CELF2: variants seen among roughly 807,000 people sequenced by gnomAD.
The protein encoded by CELF2 is CUG triplet repeat RNA-binding protein 2.
CELF2 carries 8 observed loss-of-function variants against 62.6 expected under a neutral mutation model. That is an observed-to-expected ratio of 0.13 (90% confidence interval 0.07 to 0.23). CELF2 has a LOEUF of 0.23. Among genes scored for constraint, CELF2 ranks in the 10% least tolerant of loss-of-function variants. The pLI is 1.00. For synonymous variants in CELF2, 258 were observed against 250.0 expected (o/e 1.03, Z -0.30); for missense variants, 333 against 671.0 (o/e 0.50, Z 5.56).
At chr10:10,952,459 C>T (rs1035078872) in intron 2 of CELF2, among the ~76,000 whole-genome samples, 19 of 152,228 alleles carry the variant, frequency 1.2e-4, no homozygotes, top group African/African-American at 3.6e-4. Flanking sequence ...AGACAGTGAG[C>T]GAGCAAGGAA....
the CELF2 span, among the ~76,000 whole-genome samples, chr10:10,645,896 G>C: frequency 6.6e-6 from 1 of 152,162 alleles, no homozygotes; most frequent in Admixed American, 6.5e-5. Flanking sequence ...CATGACATAG[G>C]GTAACTCGTT....
rs137977065 is a variant in CELF2, at chr10:10,981,137, C to A, written c.89+61138C>A. On this transcript the variant is annotated intron_variant, in intron 2 of 13. Transcript: ENST00000636488. The stretch of plus-strand genomic sequence containing the variant: ...TAGAGTAGGTGCCCAATAAATATAA[C>A]TGAATGAATGAAGGTTTCTCACTTA... Among the ~76,000 whole-genome samples, 118 of 152,322 alleles carry A rather than the reference C, an allele frequency of 7.7e-4. 1 individual carries two copies. The highest frequency in any genetic ancestry group is 2.7e-3 in the African/African-American group (112 of 41,560).
intron 7 of CELF2, among the ~76,000 whole-genome samples, chr10:11,272,769 T>C (rs1447978369): frequency 6.6e-6 from 1 of 152,254 alleles, no homozygotes; most frequent in Non-Finnish European, 1.5e-5. Flanking sequence ...CCTTGAGTGA[T>C]AGATTCTGAC....
Position 11,169,787 on chromosome 10 carries a change from A to G in CELF2, c.271+4105A>G, listed in dbSNP as rs672575. Among the ~76,000 whole-genome samples the G allele has an allele frequency of 7.2e-3, 1,101 of 152,308 alleles. 15 individuals are homozygous for G. The highest frequency in any genetic ancestry group is 0.025 in the African/African-American group (1,053 of 41,548). On this transcript the variant is annotated intron_variant, in intron 2 of 12. Transcript: ENST00000633077. ...GAAGGGGAGGCTGAGGGACAGACGG[A>G]CAGTGGAAGGAAGAGGACTTGATAA...
In CELF2 at chr10:11,247,900, C is replaced by A. The variant is rs915459343; in HGVS notation, c.355-1253C>A. ...GCTTTTGAAGAGGCAGCTCACTTAG[C>A]CTCTTTCTTCTCCCTCCTCCTCTGT... On this transcript the variant is annotated intron_variant, in intron 3 of 12. Transcript: ENST00000633077. The surrounding 1 kb of genome is among the most constrained non-coding windows in gnomAD (Gnocchi z 5.4). 6.6e-6 allele frequency among the ~76,000 whole-genome samples: 1 copy of A among 152,216 alleles called. No individual in the cohort carries two copies. The highest frequency in any genetic ancestry group is 1.5e-5 in the Non-Finnish European group (1 of 68,046).
At chr10:10,660,673 A>G in the CELF2 span, among the ~76,000 whole-genome samples, 1 of 152,202 alleles carries the variant, frequency 6.6e-6, no homozygotes, top group African/African-American at 2.4e-5. Flanking sequence ...CTAATTCAGT[A>G]CCTGCAATGC....
At chr10:10,955,779 C>T (rs2048823021) in intron 2 of CELF2, among the ~76,000 whole-genome samples, 1 of 152,106 alleles carries the variant, frequency 6.6e-6, no homozygotes, top group African/African-American at 2.4e-5. Flanking sequence ...AAGACAAGAA[C>T]CAGACACTAG....
chr10:10,976,120 C>G (rs1427520851), intron 2 of CELF2, among the ~76,000 whole-genome samples: 4 of 152,208 alleles, frequency 2.6e-5, no homozygotes, highest in African/African-American at 4.8e-5. Context: ...ATGAGAGCAT[C>G]TAGGGATGCC....
the CELF2 span, among the ~76,000 whole-genome samples, chr10:10,616,295 G>GGGGTGTGTGTGT: frequency 4.2e-5 from 6 of 143,866 alleles, no homozygotes; most frequent in African/African-American, 1.5e-4. Flanking sequence ...TTTTGTTTGG[G>GGGGTGTGTGTGT]GTGTGTGTGT....
At position 11,246,336 on chromosome 10, in the gene CELF2, G is replaced by A. The variant is rs1454462864; in HGVS notation, c.355-2817G>A. Among the ~76,000 whole-genome samples, 1 of 152,110 alleles carries A rather than the reference G, an allele frequency of 6.6e-6. No individual in the cohort carries two copies. On this transcript the variant is annotated intron_variant, in intron 3 of 12. Transcript: ENST00000633077. This position sits in a 1 kb window ranked among gnomAD's most constrained non-coding sequence, Gnocchi z 4.6. ...TCTCAGTGGACTCTTTTCAGCAGAT[G>A]AACCTGTATAAGTCTTTCCTGTCTT... is the stretch of plus-strand genomic sequence containing the variant.
chr10:11,108,455 A>C (rs186533550), intron 1 of CELF2, among the ~76,000 whole-genome samples: 1 of 151,994 alleles, frequency 6.6e-6, no homozygotes, highest in Admixed American at 6.5e-5. Flanking sequence ...TATAACATAG[A>C]TCACCCACAT....
At chr10:10,512,681 C>T in the CELF2 span, among the ~76,000 whole-genome samples, 6 of 152,254 alleles carry the variant, frequency 3.9e-5, no homozygotes, top group South Asian at 1.2e-3. Context: ...TCCCAAAGTG[C>T]TGGGATTATA....
At chr10:10,531,010 A>G in the CELF2 span, among the ~76,000 whole-genome samples, 1 of 152,202 alleles carries the variant, frequency 6.6e-6, no homozygotes, top group Non-Finnish European at 1.5e-5. Flanking sequence ...TTCTGCTGAT[A>G]TTAGCACATA....
At chr10:10,926,904 G>A (rs1297272129) in intron 2 of CELF2, among the ~76,000 whole-genome samples, 1 of 152,116 alleles carries the variant, frequency 6.6e-6, no homozygotes, top group Non-Finnish European at 1.5e-5. Flanking sequence ...TCCCTCAGCT[G>A]CATTCAACCT....
chr10:10,600,345 T>G, the CELF2 span, among the ~76,000 whole-genome samples: 1 of 152,262 alleles, frequency 6.6e-6, no homozygotes, highest in African/African-American at 2.4e-5. Flanking sequence ...TCTCTGAAGT[T>G]GTTTTGAAGA....
chr10:10,525,452 G>A, the CELF2 span, among the ~76,000 whole-genome samples: 1 of 152,132 alleles, frequency 6.6e-6, no homozygotes, highest in Non-Finnish European at 1.5e-5. Context: ...TCCCAGGGAA[G>A]CCAAAAGATT....
At chr10:11,327,048 A>C (rs1323388775) in intron 12 of CELF2, among the ~76,000 whole-genome samples, 5 of 152,198 alleles carry the variant, frequency 3.3e-5, no homozygotes, top group African/African-American at 7.2e-5. Context: ...GGCATGGTTA[A>C]AGGACTCCGC....
rs1277528349 is a variant in CELF2, at chr10:11,311,965, G to C, written c.977-2174G>C. Among the ~76,000 whole-genome samples the C allele has an allele frequency of 4.6e-5, 7 of 152,270 alleles. No individual in the cohort carries two copies. The South Asian group carries it at 1.5e-3, about 32-fold the overall frequency. ...ATTCAGGGATCCAGATGAATTCCAA[G>C]CAGTGAAAATAAAAATCAATCTAAA... On this transcript the variant is annotated intron_variant, in intron 9 of 12. Transcript: ENST00000633077. This position sits in a 1 kb window ranked among gnomAD's most constrained non-coding sequence, Gnocchi z 4.7.
chr10:11,245,097 A>C (rs2075212726), intron 3 of CELF2, among the ~76,000 whole-genome samples: 1 of 152,240 alleles, frequency 6.6e-6, no homozygotes, highest in Non-Finnish European at 1.5e-5. Context: ...ACGTGAATAA[A>C]CGAGCAGTCA....
Sources: gnomAD v4.1 joint callset for allele counts (sites outside exome capture counted in the v4.1 genomes callset) on GRCh38, gnomAD v4.1.1 for gene constraint, Gnocchi (gnomAD v3.1) non-coding constraint, MANE v1.5 for transcripts, NCBI Gene and HGNC (gene_info 2026-07-23, HGNC 2026-07-21) for gene names.